NME7: variants seen among roughly 807,000 people sequenced by gnomAD.
NME7 encodes NME/NM23 family member 7.
A neutral mutation model predicts 49.1 loss-of-function variants in NME7; 41 were observed. The ratio of observed to expected loss-of-function variants is 0.83; its 90% CI spans 0.65 to 1.08. NME7 has a LOEUF of 1.08. Ranked by LOEUF, NME7 falls within the 50% of genes least tolerant of loss-of-function variation. NME7 has a pLI of 0.00. For synonymous variants in NME7, 139 were observed against 150.6 expected (o/e 0.92, Z 0.56); for missense variants, 423 against 463.4 (o/e 0.91, Z 0.80).
intron 1 of NME7, among the ~76,000 whole-genome samples, chr1:169,336,304 G>A (rs917214507): frequency 5.0e-4 from 76 of 151,546 alleles, no homozygotes; most frequent in Non-Finnish European, 5.3e-4. Context: ...TGCAAAGAGC[G>A]AAAGAACAAA....
intron 11 of NME7, among the ~76,000 whole-genome samples, chr1:169,147,758 G>A (rs949302878): frequency 2.6e-5 from 4 of 152,138 alleles, no homozygotes; most frequent in Non-Finnish European, 1.5e-5. Flanking sequence ...TAAAAGTAAC[G>A]ACTATAGTAG....
intron 1 of NME7, among the ~76,000 whole-genome samples, chr1:169,349,583 ATCATT>A (rs578241184): frequency 4.2e-4 from 64 of 152,308 alleles, no homozygotes; most frequent in African/African-American, 1.5e-3. Flanking sequence ...ATGCTATTAA[ATCATT>A]TCAAGAATAT....
intron 4 of NME7, among the ~76,000 whole-genome samples, chr1:169,307,746 G>A (rs761933730): frequency 9.9e-5 from 15 of 152,100 alleles, no homozygotes; most frequent in Admixed American, 4.6e-4. Context: ...TAAGCCAGGC[G>A]CGGTGGCTCA....
In NME7 at chr1:169,289,916, G is replaced by A. The variant is rs185044587; in HGVS notation, c.649-2508C>T. Among the ~76,000 whole-genome samples the A allele has an allele frequency of 7.9e-3, 1,194 of 152,002 alleles. 17 individuals are homozygous for A. Among genetic ancestry groups the A allele is most frequent in the Non-Finnish European group, 8.9e-3 (606 of 67,940 alleles). On this transcript the variant is annotated intron_variant, in intron 6 of 11. Transcript: ENST00000367811. ...ATATCCAGGCTTCTTTGGGATTTGA[G>A]GGGCTAAAATATTTTGTATAAAGAT...
intron 1 of NME7, among the ~76,000 whole-genome samples, chr1:169,355,355 A>AT (rs1653431873): frequency 1.8e-5 from 1 of 54,074 alleles, no homozygotes; most frequent in Non-Finnish European, 4.1e-5. Flanking sequence ...TATATATATT[A>AT]AATATATATT....
intron 10 of NME7, among the ~76,000 whole-genome samples, chr1:169,177,149 A>G (rs1367620329): frequency 2.6e-5 from 4 of 152,156 alleles, no homozygotes; most frequent in Non-Finnish European, 5.9e-5. Flanking sequence ...AAAGAATCCT[A>G]CAATTCAATG....
intron 7 of NME7, among the ~76,000 whole-genome samples, chr1:169,240,751 A>G (rs1240667313): frequency 1.3e-5 from 2 of 152,080 alleles, no homozygotes; most frequent in African/African-American, 4.8e-5. Context: ...AAATTTGTTA[A>G]TATCATCACC....
At chr1:169,297,567 G>A (rs1650761278) in intron 6 of NME7, among the ~76,000 whole-genome samples, 1 of 152,034 alleles carries the variant, frequency 6.6e-6, no homozygotes. Flanking sequence ...TAGTGTGCCT[G>A]GAACACAATG....
intron 4 of NME7, among the ~76,000 whole-genome samples, chr1:169,307,551 T>C (rs991687254): frequency 2.6e-5 from 4 of 152,194 alleles, no homozygotes; most frequent in Admixed American, 2.0e-4. Context: ...CCTATGGTGC[T>C]CTTGAAGTGT....
At chr1:169,174,242 T>C (rs534342689) in intron 10 of NME7, among the ~76,000 whole-genome samples, 7 of 152,334 alleles carry the variant, frequency 4.6e-5, no homozygotes, top group Admixed American at 3.3e-4. Context: ...TATTTAATTA[T>C]TCTATGGCTG....
At chr1:169,134,001 G>A (rs965355553) in intron 11 of NME7, among the ~76,000 whole-genome samples, 3 of 152,182 alleles carry the variant, frequency 2.0e-5, no homozygotes, top group African/African-American at 7.2e-5. Context: ...CTAAGCCATT[G>A]TGTGTGTCTG....
At chr1:169,321,226 G>C (rs900032914) in intron 3 of NME7, among the ~76,000 whole-genome samples, 18 of 152,142 alleles carry the variant, frequency 1.2e-4, no homozygotes, top group African/African-American at 4.3e-4. Context: ...CAGGAATAGT[G>C]GTGCATGGCT....
In NME7 at chr1:169,366,693, G is replaced by A. The variant is rs943302700; in HGVS notation, c.3+1015C>T. On this transcript the variant is annotated intron_variant, in intron 1 of 11. Coordinates refer to ENST00000367811, the MANE Select transcript of NME7 (RefSeq NM_013330.5). ...AAAAATATAGAGCAATGTGTAGGTT[G>A]GGGGCATGAGGTTGAAGAAATGGCC... 2.0e-5 allele frequency among the ~76,000 whole-genome samples: 3 copies of A among 152,182 alleles called. No homozygotes were observed. The South Asian group carries it at 6.2e-4, about 32-fold the overall frequency.
chr1:169,220,363 G>T (rs922930432), intron 10 of NME7, among the ~76,000 whole-genome samples: 1 of 152,066 alleles, frequency 6.6e-6, no homozygotes, highest in Non-Finnish European at 1.5e-5. Context: ...CAATTAAAAG[G>T]TAAATTATTT....
intron 11 of NME7, among the ~76,000 whole-genome samples, chr1:169,159,913 T>C (rs12744184): frequency 0.38 from 58,243 of 151,918 alleles, 11,605 homozygotes; most frequent in East Asian, 0.73. Flanking sequence ...CACCATTTTC[T>C]TCTCCACCCT....
At chr1:169,325,835 C>G (rs1652040534) in intron 1 of NME7, among the ~76,000 whole-genome samples, 1 of 151,982 alleles carries the variant, frequency 6.6e-6, no homozygotes. Flanking sequence ...ATATTTAAAC[C>G]ATGCTGATTA....
intron 1 of NME7, among the ~76,000 whole-genome samples, chr1:169,325,889 T>C (rs922746971): frequency 6.6e-6 from 1 of 152,182 alleles, no homozygotes; most frequent in Non-Finnish European, 1.5e-5. Flanking sequence ...ACTATGACAT[T>C]TGTAAAAGCC....
At chr1:169,170,922 C>T (rs542652150) in intron 10 of NME7, among the ~76,000 whole-genome samples, 3 of 152,082 alleles carry the variant, frequency 2.0e-5, no homozygotes, top group South Asian at 2.1e-4. Context: ...CAGACTCCAT[C>T]TCAGAAAACA....
intron 11 of NME7, among the ~76,000 whole-genome samples, chr1:169,150,403 A>G (rs986881150): frequency 6.6e-6 from 1 of 152,130 alleles, no homozygotes; most frequent in African/African-American, 2.4e-5. Context: ...ATCTCTCTGG[A>G]TTTCAAGGGC....
Sources: gnomAD v4.1 joint callset for allele counts (sites outside exome capture counted in the v4.1 genomes callset) on GRCh38, gnomAD v4.1.1 for gene constraint, MANE v1.5 for transcripts, NCBI Gene and HGNC (gene_info 2026-07-23, HGNC 2026-07-21) for gene names.